TFDP1: variants seen among roughly 807,000 people sequenced by gnomAD.
TFDP1 encodes the protein transcription factor Dp-1.
In TFDP1, 6 loss-of-function variants were observed where a neutral mutation model predicts 48.0. The observed-to-expected ratio is 0.13, with a 90% confidence interval of 0.07 to 0.25. The LOEUF is 0.25. TFDP1 is among the 10% of genes least tolerant of loss of function. TFDP1 has a pLI of 1.00. For missense variants in TFDP1, 335 were observed against 543.0 expected, an observed-to-expected ratio of 0.62 and a Z score of 3.81; for synonymous variants, 201 against 211.6, an observed-to-expected ratio of 0.95 and a Z score of 0.44.
chr13:113,598,168 A>G lies in TFDP1; in HGVS notation c.12+12319A>G, dbSNP rs1355941951. Among the ~76,000 whole-genome samples the G allele has an allele frequency of 6.6e-6, 1 of 152,068 alleles. No homozygotes were observed. The highest frequency in any genetic ancestry group is 1.5e-5 in the Non-Finnish European group (1 of 68,016). ...TGGTCCCTCTACTCCCCACCACCCC[A>G]GCCCTGGAAAACCGTGCCTGCCAGG... On this transcript the variant is annotated intron_variant, in intron 2 of 11. Transcript: ENST00000375370. The surrounding 1 kb of genome is among the most constrained non-coding windows in gnomAD (Gnocchi z 4.2).
intron 3 of TFDP1, among the ~76,000 whole-genome samples, chr13:113,618,510 G>C (rs1259993151): frequency 1.3e-5 from 2 of 152,200 alleles, no homozygotes. Context: ...GACAGAGTGA[G>C]ACCCTGTCTC....
At chr13:113,632,364 C>CT (rs1171264167) in intron 5 of TFDP1, among the ~76,000 whole-genome samples, 1 of 152,258 alleles carries the variant, frequency 6.6e-6, no homozygotes, top group Non-Finnish European at 1.5e-5. Flanking sequence ...CTGAAGCACA[C>CT]TTAGTGCTTT....
intron 11 of TFDP1, among the ~76,000 whole-genome samples, chr13:113,639,627 G>A (rs141488039): frequency 2.6e-5 from 4 of 152,196 alleles, no homozygotes; most frequent in East Asian, 1.9e-4. Flanking sequence ...CATTAGGAAC[G>A]TAGTGAGCTC....
intron 2 of TFDP1, among the ~76,000 whole-genome samples, chr13:113,597,756 A>T (rs2048320795): frequency 2.6e-5 from 4 of 152,206 alleles, no homozygotes. Context: ...GGCTGATCTG[A>T]TCAGAGCTGG....
chr13:113,612,872 C>T (rs916611685), intron 3 of TFDP1, among the ~76,000 whole-genome samples: 1 of 152,206 alleles, frequency 6.6e-6, no homozygotes, highest in Non-Finnish European at 1.5e-5. Context: ...GTGCATTTCC[C>T]CTCAGCTCGC....
chr13:113,624,882 G>T (rs1175812578), intron 4 of TFDP1, among the ~76,000 whole-genome samples: 1 of 140,066 alleles, frequency 7.1e-6, no homozygotes, highest in Non-Finnish European at 1.5e-5. Flanking sequence ...TTTCTCAGGT[G>T]TCTCTCACGT....
intron 2 of TFDP1, among the ~76,000 whole-genome samples, chr13:113,594,121 T>C (rs1396174382): frequency 1.4e-5 from 2 of 145,704 alleles, no homozygotes; most frequent in Non-Finnish European, 3.0e-5. Context: ...TCCTCAGCCC[T>C]GCCCAGGTGA....
At chr13:113,612,901 C>G (rs935022768) in intron 3 of TFDP1, among the ~76,000 whole-genome samples, 2 of 152,244 alleles carry the variant, frequency 1.3e-5, no homozygotes, top group African/African-American at 4.8e-5. Flanking sequence ...CCCCGGCCCC[C>G]AGATCCCTCC....
chr13:113,638,965 G>A (rs181516736), intron 11 of TFDP1, among the ~76,000 whole-genome samples: 2 of 152,186 alleles, frequency 1.3e-5, no homozygotes, highest in Non-Finnish European at 2.9e-5. Flanking sequence ...GTTGGGATGT[G>A]CTGTGGCCAT....
chr13:113,628,893 G>A (rs969322468), intron 4 of TFDP1, among the ~76,000 whole-genome samples: 4 of 152,124 alleles, frequency 2.6e-5, no homozygotes, highest in Non-Finnish European at 2.9e-5. Flanking sequence ...GTGAGGCCGG[G>A]GGCCTGCTCC....
chr13:113,634,852 TGTGC>T (rs1231294955), intron 8 of TFDP1, among the ~76,000 whole-genome samples: 27 of 151,542 alleles, frequency 1.8e-4, no homozygotes, highest in South Asian at 1.0e-3. Flanking sequence ...CATGTGCCTG[TGTGC>T]GTGCGTGCGT....
rs150176762 is a variant in TFDP1, at chr13:113,620,074, C to T, written c.80-3106C>T. Among the ~76,000 whole-genome samples, 664 of 152,314 alleles carry T rather than the reference C, an allele frequency of 4.4e-3. 4 individuals carry two copies. Among genetic ancestry groups the T allele is most frequent in the African/African-American group, 0.015 (629 of 41,572 alleles). On this transcript the variant is annotated intron_variant, in intron 3 of 11. Transcript: ENST00000375370. ...TTGTGAAAACCCTTAGCGACCCACC[C>T]CAGCCTCACGGTGCTGGCCTCTGGC...
rs1201799903 is a variant in TFDP1 at position 113,633,284 on chromosome 13, CAGTA to C, written c.474+3_474+6del. The C allele has an allele frequency of 6.2e-7, 1 of 1,612,122 alleles. No homozygotes were observed. Among genetic ancestry groups the C allele is most frequent in the Non-Finnish European group, 8.5e-7 (1 of 1,178,556 alleles). On this transcript the variant is annotated splice_donor_variant and splice_donor_region_variant and coding_sequence_variant and intron_variant, in exon 6 of 12. Coordinates refer to ENST00000375370, the MANE Select transcript of TFDP1 (RefSeq NM_007111.5). LOFTEE classifies it high-confidence loss of function. The surrounding 1 kb of genome is among the most constrained non-coding windows in gnomAD (Gnocchi z 4.5). ...GACAACCACATCTTACCAAACGAGT[CAGTA>C]AGTGTGTGCCGGGGGCCGAGAGGCT... is the stretch of plus-strand genomic sequence containing the variant.
chr13:113,616,114 A>G (rs372204218), intron 3 of TFDP1, among the ~76,000 whole-genome samples: 233 of 151,712 alleles, frequency 1.5e-3, no homozygotes, highest in African/African-American at 5.3e-3. Context: ...GAGGCAGGAG[A>G]ATCACTTGAA....
chr13:113,611,146 C>A, intron 3 of TFDP1, 84 bp downstream of exon 3: 1 of 1,347,446 alleles, frequency 7.4e-7, no homozygotes, highest in Non-Finnish European at 1.1e-6. Context: ...ACGCTGAAGC[C>A]TCTTGCTAAT....
At chr13:113,609,971 G>A (rs891478087) in intron 2 of TFDP1, among the ~76,000 whole-genome samples, 1 of 152,214 alleles carries the variant, frequency 6.6e-6, no homozygotes, top group African/African-American at 2.4e-5. Flanking sequence ...CGCAGAGCCC[G>A]GCCTCTGGGG....
chr13:113,605,896 CAAG>C (rs2048553607), intron 2 of TFDP1, among the ~76,000 whole-genome samples: 69 of 135,060 alleles, frequency 5.1e-4, no homozygotes, highest in East Asian at 2.6e-3. Flanking sequence ...GATGAGTGTC[CAAG>C]GCGGCGCGGT....
At chr13:113,597,645 T>A (rs1446790099) in intron 2 of TFDP1, among the ~76,000 whole-genome samples, 2 of 152,216 alleles carry the variant, frequency 1.3e-5, no homozygotes, top group African/African-American at 4.8e-5. Flanking sequence ...ACGTCCTGGC[T>A]GAACTTGGAT....
intron 2 of TFDP1, among the ~76,000 whole-genome samples, chr13:113,594,985 C>T (rs1012388248): frequency 1.3e-5 from 2 of 152,212 alleles, no homozygotes; most frequent in Non-Finnish European, 2.9e-5. Flanking sequence ...GTAATAAAGG[C>T]AGCTTTTCCA....
Sources: gnomAD v4.1 joint callset for allele counts (sites outside exome capture counted in the v4.1 genomes callset) on GRCh38, gnomAD v4.1.1 for gene constraint, Gnocchi (gnomAD v3.1) non-coding constraint, MANE v1.5 for transcripts, NCBI Gene and HGNC (gene_info 2026-07-23, HGNC 2026-07-21) for gene names.